IMMP2L: variants seen among roughly 807,000 people sequenced by gnomAD.
IMMP2L encodes mitochondrial inner membrane protease subunit 2.
In IMMP2L, 18 loss-of-function variants were observed where a neutral mutation model predicts 19.3. That is an observed-to-expected ratio of 0.93 (90% confidence interval 0.64 to 1.38). IMMP2L has a LOEUF of 1.38. Among genes scored for constraint, IMMP2L ranks in the 40% most tolerant of loss-of-function variants. IMMP2L has a pLI of 0.00. For missense variants in IMMP2L, 233 were observed against 218.2 expected (o/e 1.07, Z -0.43); for synonymous variants, 76 against 73.0 (o/e 1.04, Z -0.21).
intron 3 of IMMP2L, among the ~76,000 whole-genome samples, chr7:111,281,259 A>G (rs71544722): frequency 0.36 from 45,720 of 127,466 alleles, 9,373 homozygotes; most frequent in South Asian, 0.6. Flanking sequence ...GAGAGAGAGA[A>G]AGAGAGAGAG....
intron 5 of IMMP2L, among the ~76,000 whole-genome samples, chr7:110,693,598 G>A (rs1198533012): frequency 6.6e-6 from 1 of 152,114 alleles, no homozygotes; most frequent in Non-Finnish European, 1.5e-5. Context: ...AACACTTCCT[G>A]AATAAATAAG....
chr7:110,688,536 A>C (rs1584506188), intron 5 of IMMP2L, among the ~76,000 whole-genome samples: 1 of 152,068 alleles, frequency 6.6e-6, no homozygotes, highest in Non-Finnish European at 1.5e-5. Context: ...CCTCCACCAC[A>C]AACGCATAAG....
In IMMP2L at chr7:110,870,772, C is replaced by T. The variant is rs1808463029; in HGVS notation, c.408+15821G>A. Among the ~76,000 whole-genome samples the T allele has an allele frequency of 6.6e-6, 1 of 152,078 alleles. No homozygotes were observed. The highest frequency in any genetic ancestry group is 2.1e-4 in the South Asian group (1 of 4,818). Reference sequence around the variant, plus strand: ...CACGGAAAGGGAAGAGATGGAGAGGCCATACAATGTGAGGGCCCTAAAGGC... The same window carrying T: ...CACGGAAAGGGAAGAGATGGAGAGGTCATACAATGTGAGGGCCCTAAAGGC... On this transcript the variant is annotated intron_variant, in intron 5 of 5. Transcript: ENST00000405709. This position sits in a 1 kb window ranked among gnomAD's most constrained non-coding sequence, Gnocchi z 4.2.
At chr7:111,528,910 A>G (rs1847137518) in intron 1 of IMMP2L, among the ~76,000 whole-genome samples, 1 of 152,198 alleles carries the variant, frequency 6.6e-6, no homozygotes, top group Non-Finnish European at 1.5e-5. Context: ...AGAACACAAG[A>G]GTAGGGATCC....
intron 3 of IMMP2L, among the ~76,000 whole-genome samples, chr7:111,337,138 A>C (rs1186925100): frequency 6.6e-6 from 1 of 152,128 alleles, no homozygotes; most frequent in African/African-American, 2.4e-5. Context: ...TATTAAGATA[A>C]AAAATCTATC....
At chr7:111,426,555 A>C (rs970583133) in intron 3 of IMMP2L, among the ~76,000 whole-genome samples, 1 of 151,172 alleles carries the variant, frequency 6.6e-6, no homozygotes, top group Non-Finnish European at 1.5e-5. Flanking sequence ...TTCACACAGC[A>C]ACTCTGCCCC....
intron 3 of IMMP2L, chr7:111,483,426 T>A (rs1023920113): frequency 6.6e-6 from 1 of 150,890 alleles, no homozygotes; most frequent in Non-Finnish European, 1.5e-5. Context: ...ACTAAGAGAG[T>A]ATGATGCCAC....
chr7:110,736,416 C>T lies in IMMP2L; in HGVS notation c.409-72695G>A, dbSNP rs184231245. Among the ~76,000 whole-genome samples, 374 of 152,308 alleles carry T rather than the reference C, an allele frequency of 2.5e-3. 2 individuals are homozygous for T. Among genetic ancestry groups the T allele is most frequent in the Middle Eastern group, 0.01 (3 of 294 alleles). On this transcript the variant is annotated intron_variant, in intron 5 of 5. Coordinates refer to ENST00000405709, the MANE Select transcript of IMMP2L (RefSeq NM_032549.4). Reference sequence around the variant, plus strand: ...ATCCAGTAAAGCTGTGTGGGCAGGACTACTTCCAAGACCCTGGACCAGCAG... The same window carrying T: ...ATCCAGTAAAGCTGTGTGGGCAGGATTACTTCCAAGACCCTGGACCAGCAG...
At chr7:111,142,451 G>C (rs1286828717) in intron 3 of IMMP2L, among the ~76,000 whole-genome samples, 1 of 151,918 alleles carries the variant, frequency 6.6e-6, no homozygotes, top group African/African-American at 2.4e-5. Context: ...AAAGCTGCCT[G>C]CATAACTTTC....
chr7:110,732,743 G>A (rs1018556165), intron 5 of IMMP2L, among the ~76,000 whole-genome samples: 1 of 151,810 alleles, frequency 6.6e-6, no homozygotes, highest in South Asian at 2.1e-4. Context: ...CTTGATATGT[G>A]GTAAAAGTTG....
chr7:110,689,463 G>A (rs1172569937), intron 5 of IMMP2L, among the ~76,000 whole-genome samples: 2 of 151,780 alleles, frequency 1.3e-5, no homozygotes, highest in African/African-American at 4.8e-5. Flanking sequence ...TTTTACTTCT[G>A]TCTAATCTGC....
chr7:111,101,473 A>T (rs1381979231), intron 3 of IMMP2L, among the ~76,000 whole-genome samples: 4 of 151,580 alleles, frequency 2.6e-5, no homozygotes, highest in Non-Finnish European at 5.9e-5. Flanking sequence ...GCACAAAGTT[A>T]CAGAATTATT....
intron 3 of IMMP2L, among the ~76,000 whole-genome samples, chr7:111,475,983 T>C (rs972050699): frequency 1.4e-4 from 22 of 152,142 alleles, no homozygotes; most frequent in African/African-American, 5.3e-4. Flanking sequence ...TTTAAAACTA[T>C]GCAACATAGT....
chr7:111,151,267 T>A (rs1367584985), intron 3 of IMMP2L, among the ~76,000 whole-genome samples: 3 of 152,220 alleles, frequency 2.0e-5, no homozygotes, highest in Admixed American at 1.3e-4. Flanking sequence ...TTATTTTTCA[T>A]TCTTTTTCCA....
At chr7:110,995,507 G>T (rs995541696) in intron 3 of IMMP2L, among the ~76,000 whole-genome samples, 1 of 152,172 alleles carries the variant, frequency 6.6e-6, no homozygotes, top group Non-Finnish European at 1.5e-5. Flanking sequence ...GAGATAAGAA[G>T]TACATTATTT....
At chr7:111,341,390 G>T (rs1175317680) in intron 3 of IMMP2L, among the ~76,000 whole-genome samples, 1 of 151,988 alleles carries the variant, frequency 6.6e-6, no homozygotes, top group African/African-American at 2.4e-5. Flanking sequence ...ATGAATATAT[G>T]AATAAATGAT....
chr7:111,074,928 C>T (rs779946727), intron 3 of IMMP2L, among the ~76,000 whole-genome samples: 5 of 152,012 alleles, frequency 3.3e-5, no homozygotes, highest in Non-Finnish European at 5.9e-5. Flanking sequence ...ACTTTGGCAA[C>T]GTGCAAGTGA....
intron 3 of IMMP2L, among the ~76,000 whole-genome samples, chr7:111,159,841 A>C (rs999056217): frequency 6.6e-5 from 10 of 152,150 alleles, no homozygotes; most frequent in African/African-American, 2.4e-4. Flanking sequence ...CATGTAATCA[A>C]CATAAAAAGT....
At chr7:111,149,431 C>T (rs1180625237) in intron 3 of IMMP2L, among the ~76,000 whole-genome samples, 3 of 152,168 alleles carry the variant, frequency 2.0e-5, no homozygotes, top group African/African-American at 7.2e-5. Context: ...TGAAAATCTG[C>T]ATTTAACATT....
Sources: gnomAD v4.1 joint callset for allele counts (sites outside exome capture counted in the v4.1 genomes callset) on GRCh38, gnomAD v4.1.1 for gene constraint, Gnocchi (gnomAD v3.1) non-coding constraint, MANE v1.5 for transcripts, NCBI Gene and HGNC (gene_info 2026-07-23, HGNC 2026-07-21) for gene names.